RANBP10: variants seen among roughly 807,000 people sequenced by gnomAD.
The protein encoded by RANBP10 is ran-binding protein 10.
Under a neutral mutation model 72.8 loss-of-function variants are expected in RANBP10, and 24 were observed. That is an observed-to-expected ratio of 0.33 (90% CI 0.24 to 0.46). The LOEUF (loss-of-function observed/expected upper bound fraction) is 0.46, where lower values mean the gene tolerates loss of function less well. Ranked by LOEUF, RANBP10 falls within the 20% of genes least tolerant of loss-of-function variation. RANBP10 has a pLI of 1.00. For synonymous variants in RANBP10, 310 were observed against 322.3 expected, an observed-to-expected ratio of 0.96 and a Z score of 0.41; for missense variants, 679 against 817.5, an observed-to-expected ratio of 0.83 and a Z score of 2.07.
Position 67,726,252 on chromosome 16 carries a change from G to A in RANBP10, c.*176C>T, listed in dbSNP as rs1451255988. On this transcript the variant is annotated 3_prime_UTR_variant, in exon 14 of 14. Coordinates refer to ENST00000317506, the MANE Select transcript of RANBP10 (RefSeq NM_020850.3). ...AAGGGGAGAGAGAGAGAGACTGAGCGGGGTGGTGGGCAGAGAAAGGAAGGA... is the reference window on the plus strand; with the variant it reads ...AAGGGGAGAGAGAGAGAGACTGAGCAGGGTGGTGGGCAGAGAAAGGAAGGA... 1.9e-5 allele frequency: 17 copies of A among 884,462 alleles called. No individual in the cohort carries two copies. The highest frequency in any genetic ancestry group is 7.3e-5 in the Admixed American group (3 of 41,012). 54.8% of individuals were successfully genotyped at this position (884,462 alleles called of 1,614,324 possible).
At chr16:67,749,859 A>G (rs1347501504) in intron 3 of RANBP10, among the ~76,000 whole-genome samples, 1 of 152,120 alleles carries the variant, frequency 6.6e-6, no homozygotes, top group East Asian at 1.9e-4. Flanking sequence ...CAAAGTGAAA[A>G]TCATCCCTCC....
At chr16:67,753,590 G>C (rs1481944422) in intron 3 of RANBP10, among the ~76,000 whole-genome samples, 2 of 152,214 alleles carry the variant, frequency 1.3e-5, no homozygotes. Flanking sequence ...TGCTGAGAGG[G>C]TGACTCCTGA....
intron 13 of RANBP10, 51 bp from the exon 14 acceptor site, chr16:67,726,609 C>T (rs1476110768): frequency 1.3e-6 from 2 of 1,514,984 alleles, no homozygotes. Flanking sequence ...GGCTTGGGCC[C>T]AGGTCAAAGT....
intron 2 of RANBP10, among the ~76,000 whole-genome samples, chr16:67,804,654 C>T (rs552145539): frequency 2.0e-5 from 3 of 152,100 alleles, no homozygotes; most frequent in Admixed American, 6.6e-5. Flanking sequence ...CCGCCCGCCT[C>T]GGTCTTCTGA....
chr16:67,748,522 C>A (rs2053648936), intron 3 of RANBP10, among the ~76,000 whole-genome samples: 1 of 149,662 alleles, frequency 6.7e-6, no homozygotes, highest in Non-Finnish European at 1.5e-5. Context: ...GAAACTCCGT[C>A]TAAAAAAAAA....
At chr16:67,746,817 A>G (rs2054090252) in intron 3 of RANBP10, among the ~76,000 whole-genome samples, 1 of 152,204 alleles carries the variant, frequency 6.6e-6, no homozygotes, top group Non-Finnish European at 1.5e-5. Flanking sequence ...TAGACTTAGC[A>G]CAATGCATCT....
chr16:67,787,232 C>G (rs2054932811), intron 2 of RANBP10, among the ~76,000 whole-genome samples: 1 of 152,134 alleles, frequency 6.6e-6, no homozygotes, highest in Non-Finnish European at 1.5e-5. Flanking sequence ...GAGTGAGACT[C>G]TATCTCAATC....
At chr16:67,799,445 GC>G (rs1381488292) in intron 2 of RANBP10, among the ~76,000 whole-genome samples, 3 of 151,860 alleles carry the variant, frequency 2.0e-5, no homozygotes, top group African/African-American at 7.3e-5. Context: ...CCGCCACCAT[GC>G]CTGGCTAATT....
intron 2 of RANBP10, among the ~76,000 whole-genome samples, chr16:67,803,774 A>C (rs962565082): frequency 7.0e-6 from 1 of 142,612 alleles, no homozygotes; most frequent in Non-Finnish European, 1.5e-5. Context: ...GTGAGCTGTG[A>C]TTGTGATCTT....
At chr16:67,763,915 T>C (rs1199473090) in intron 3 of RANBP10, among the ~76,000 whole-genome samples, 3 of 152,186 alleles carry the variant, frequency 2.0e-5, no homozygotes, top group Admixed American at 6.5e-5. Flanking sequence ...CAGGCTAGTC[T>C]TGAACTTCTG....
rs1291041630 is a variant in RANBP10 at position 67,731,326 on chromosome 16, G to A, written c.889+146C>T. 5 of 639,364 alleles carry A rather than the reference G, an allele frequency of 7.8e-6. No homozygotes were observed. The African/African-American group carries it at 9.1e-5, about 12-fold the overall frequency. 39.6% of individuals were successfully genotyped at this position (639,364 alleles called of 1,614,324 possible). On this transcript the variant is annotated intron_variant, in intron 7 of 13. Transcript: ENST00000317506. ...CTGGGCAGTGCCATCTTGAAGGTGG[G>A]ACAGGAACATGGCCTCGAGCTGCAA... is the stretch of plus-strand genomic sequence containing the variant.
intron 4 of RANBP10, among the ~76,000 whole-genome samples, chr16:67,742,424 T>C (rs528295721): frequency 3.0e-4 from 45 of 152,170 alleles, no homozygotes; most frequent in Non-Finnish European, 4.3e-4. Flanking sequence ...GTTGACAGGC[T>C]GGAAAAAAAG....
chr16:67,753,425 T>C (rs1014899851), intron 3 of RANBP10, among the ~76,000 whole-genome samples: 1 of 151,988 alleles, frequency 6.6e-6, no homozygotes, highest in African/African-American at 2.4e-5. Context: ...ACCCAGGAGT[T>C]TGAGGTGGCA....
intron 3 of RANBP10, among the ~76,000 whole-genome samples, chr16:67,753,469 G>C (rs1430209420): frequency 6.6e-6 from 1 of 152,178 alleles, no homozygotes; most frequent in Admixed American, 6.5e-5. Context: ...ACTCCAGCCT[G>C]GGCAATAAAG....
chr16:67,726,418 GCA>G lies in RANBP10; in HGVS notation c.*8_*9del. The G allele has an allele frequency of 1.2e-6, 2 of 1,612,158 alleles. No individual in the cohort carries two copies. The highest frequency in any genetic ancestry group is 1.7e-6 in the Non-Finnish European group (2 of 1,179,330). ...GTGGAGGGCCAGCCAGAGCCAGCCA[GCA>G]CAGTCAGCTAGTGCAAGTAGTCATC... is the stretch of plus-strand genomic sequence containing the variant. On this transcript the variant is annotated 3_prime_UTR_variant, in exon 14 of 14. Transcript: ENST00000317506.
rs146174460 is a variant in RANBP10, at chr16:67,729,732, G to A, written c.1095C>T (p.Ser365=). The A allele has an allele frequency of 2.7e-4, 435 of 1,614,110 alleles. No individual in the cohort carries two copies. In the African/African-American group the frequency reaches 5.4e-3, roughly 20 times the overall value. The change falls in exon 9 of 14, where the codon TCC becomes TCT. Residue 365 remains serine, a synonymous_variant. Coordinates refer to ENST00000317506, the MANE Select transcript of RANBP10 (RefSeq NM_020850.3). The surrounding 1 kb of genome is among the most constrained non-coding windows in gnomAD (Gnocchi z 7.1). ...GGCCATGTCGGGGACTGAGGCTGGG[G>A]GAGCCAGGGTAGCTGTCCTGGGACT... The part of the protein sequence containing the change: ...SPKSQDSYPG[S]PSLSPRHGPS...
At chr16:67,797,072 C>G (rs2055147236) in intron 2 of RANBP10, among the ~76,000 whole-genome samples, 1 of 152,174 alleles carries the variant, frequency 6.6e-6, no homozygotes, top group African/African-American at 2.4e-5. Flanking sequence ...GCACACAGTG[C>G]CTGCCACATG....
chr16:67,732,893 CA>C (rs1256859508), intron 6 of RANBP10, among the ~76,000 whole-genome samples: 14 of 149,498 alleles, frequency 9.4e-5, no homozygotes, highest in Non-Finnish European at 1.0e-4. Flanking sequence ...TAAAAAAATA[CA>C]AAAAAAAATT....
chr16:67,748,384 G>T (rs577440903), intron 3 of RANBP10, among the ~76,000 whole-genome samples: 1 of 151,690 alleles, frequency 6.6e-6, no homozygotes, highest in African/African-American at 2.4e-5. Flanking sequence ...TTAGCCGGGC[G>T]TGGTGGCGGG....
Sources: allele counts gnomAD v4.1 joint callset (sites outside exome capture counted in the v4.1 genomes callset), GRCh38; gene constraint gnomAD v4.1.1; non-coding constraint Gnocchi (gnomAD v3.1); transcripts MANE v1.5; gene names NCBI Gene and HGNC (gene_info 2026-07-23, HGNC 2026-07-21).